The following LRRC4C variants were observed in gnomAD, a reference collection of about 807,000 sequenced individuals.
LRRC4C encodes leucine rich repeat containing 4C.
LRRC4C carries 5 observed loss-of-function variants against 33.6 expected under a neutral mutation model. The ratio of observed to expected loss-of-function variants is 0.15; its 90% CI spans 0.08 to 0.31. The LOEUF is 0.31. Ranked by LOEUF, LRRC4C falls within the 10% of genes least tolerant of loss-of-function variation. The pLI, the probability that LRRC4C is intolerant of heterozygous loss-of-function variation, is 1.00. For missense variants in LRRC4C, 560 were observed against 796.7 expected (o/e 0.70, Z 3.58); for synonymous variants, 329 against 302.0 (o/e 1.09, Z -0.93).
intron 1 of LRRC4C, among the ~76,000 whole-genome samples, chr11:41,308,009 T>G (rs2137154862): frequency 6.6e-6 from 1 of 152,284 alleles, no homozygotes; most frequent in South Asian, 2.1e-4. Context: ...TTAGGACCTG[T>G]AGGTGACCAG....
At chr11:40,708,308 G>A (rs1946275729) in intron 2 of LRRC4C, among the ~76,000 whole-genome samples, 2 of 152,052 alleles carry the variant, frequency 1.3e-5, no homozygotes, top group South Asian at 2.1e-4. Flanking sequence ...TGATGTTAGG[G>A]CATCAATTTT....
intron 2 of LRRC4C, among the ~76,000 whole-genome samples, chr11:40,790,350 TATG>T (rs1326678176): frequency 2.0e-5 from 3 of 152,234 alleles, no homozygotes; most frequent in Non-Finnish European, 4.4e-5. Context: ...TGATGATTTA[TATG>T]ATAACTACAT....
intron 3 of LRRC4C, among the ~76,000 whole-genome samples, chr11:40,502,454 G>A (rs1384366881): frequency 6.6e-6 from 1 of 152,180 alleles, no homozygotes; most frequent in Admixed American, 6.5e-5. Context: ...GACTTGGGAA[G>A]CCTCACAATC....
At chr11:41,136,098 C>A (rs950857812) in intron 1 of LRRC4C, among the ~76,000 whole-genome samples, 1 of 152,076 alleles carries the variant, frequency 6.6e-6, no homozygotes, top group African/African-American at 2.4e-5. Context: ...ATATGTCAGG[C>A]AGTGGTCTAG....
At position 40,265,745 on chromosome 11, in the gene LRRC4C, G is replaced by A. The variant is rs76837827; in HGVS notation, c.-175-24147C>T. 2.7e-3 allele frequency among the ~76,000 whole-genome samples: 410 copies of A among 152,286 alleles called. 1 individual carries two copies. Among genetic ancestry groups the A allele is most frequent in the African/African-American group, 9.5e-3 (394 of 41,570 alleles). On this transcript the variant is annotated intron_variant, in intron 4 of 6. Coordinates refer to ENST00000528697, the MANE Select transcript of LRRC4C (RefSeq NM_001258419.2). ...GCTCAGGCAGACAAGTATGTGGTCC[G>A]TATTTGATGGAGGGATTATATGCAT...
chr11:40,986,602 G>C (rs1853026208), intron 1 of LRRC4C, among the ~76,000 whole-genome samples: 1 of 151,960 alleles, frequency 6.6e-6, no homozygotes, highest in African/African-American at 2.4e-5. Context: ...AAAAGACAGA[G>C]AGAGAGAGGG....
intron 3 of LRRC4C, among the ~76,000 whole-genome samples, chr11:40,399,738 T>C (rs750682233): frequency 7.2e-5 from 11 of 151,916 alleles, no homozygotes; most frequent in Admixed American, 2.0e-4. Flanking sequence ...AAAGTTACAA[T>C]GGTAACATCA....
chr11:41,108,423 A>G (rs7930607), intron 1 of LRRC4C, among the ~76,000 whole-genome samples: 15,768 of 152,146 alleles, frequency 0.1, 835 homozygotes, highest in African/African-American at 0.14. Context: ...TTATAATTCA[A>G]ATTCTGTCTT....
chr11:40,295,828 G>T (rs1944484600), intron 4 of LRRC4C, among the ~76,000 whole-genome samples: 1 of 152,136 alleles, frequency 6.6e-6, no homozygotes, highest in Non-Finnish European at 1.5e-5. Context: ...ATGCTGTATT[G>T]ATTGATTCAA....
chr11:40,252,394 G>A (rs1466292772), intron 4 of LRRC4C, among the ~76,000 whole-genome samples: 3 of 151,024 alleles, frequency 2.0e-5, no homozygotes, highest in African/African-American at 2.4e-5. Context: ...CAACACACAC[G>A]CAGAGTACCC....
chr11:40,588,695 TC>T (rs2135714631), intron 3 of LRRC4C, among the ~76,000 whole-genome samples: 1 of 152,300 alleles, frequency 6.6e-6, no homozygotes, highest in East Asian at 1.9e-4. Context: ...CTCGTTGGTT[TC>T]AAAGAACATC....
chr11:40,650,366 A>G (rs182148693), intron 2 of LRRC4C, among the ~76,000 whole-genome samples: 5 of 152,294 alleles, frequency 3.3e-5, no homozygotes, highest in African/African-American at 1.2e-4. Flanking sequence ...CATCTGAAAA[A>G]GGGCCAGTCA....
chr11:41,357,321 T>C (rs190788408), intron 1 of LRRC4C, among the ~76,000 whole-genome samples: 2 of 152,296 alleles, frequency 1.3e-5, no homozygotes, highest in East Asian at 3.9e-4. Context: ...TACTGTTATA[T>C]TTTAGGTAGT....
intron 2 of LRRC4C, among the ~76,000 whole-genome samples, chr11:40,922,218 C>T (rs961634914): frequency 6.6e-6 from 1 of 152,042 alleles, no homozygotes; most frequent in African/African-American, 2.4e-5. Flanking sequence ...CCACTCCGTA[C>T]AAGTTTTTAG....
At chr11:41,154,372 T>C (rs1161193743) in intron 1 of LRRC4C, among the ~76,000 whole-genome samples, 1 of 152,160 alleles carries the variant, frequency 6.6e-6, no homozygotes, top group East Asian at 1.9e-4. Flanking sequence ...TTCTTCATAA[T>C]TTCATTATGG....
At chr11:40,488,281 T>A (rs550769144) in intron 3 of LRRC4C, among the ~76,000 whole-genome samples, 1 of 150,642 alleles carries the variant, frequency 6.6e-6, no homozygotes, top group Non-Finnish European at 1.5e-5. Context: ...GGTGTTTTTT[T>A]CCCCCCCCCA....
At chr11:40,200,180 T>TAAAAAAAAAAAAAAAAAAAAAAAAA (rs56269292) in intron 5 of LRRC4C, among the ~76,000 whole-genome samples, 2 of 26,046 alleles carry the variant, frequency 7.7e-5, no homozygotes, top group Non-Finnish European at 1.4e-4. Flanking sequence ...CTGTCTCCAC[T>TAAAAAAAAAAAAAAAAAAAAAAAAA]AAAAAAAAAA....
chr11:41,167,643 A>G (rs1944788320), intron 1 of LRRC4C, among the ~76,000 whole-genome samples: 1 of 152,126 alleles, frequency 6.6e-6, no homozygotes. Flanking sequence ...TAATAAAACT[A>G]ATGTGATTAT....
intron 2 of LRRC4C, among the ~76,000 whole-genome samples, chr11:40,683,291 C>T (rs555918985): frequency 6.6e-6 from 1 of 152,084 alleles, no homozygotes; most frequent in South Asian, 2.1e-4. Flanking sequence ...ACCACTCATA[C>T]CCACATGACA....
Sources: gnomAD v4.1 joint callset for allele counts (sites outside exome capture counted in the v4.1 genomes callset) on GRCh38, gnomAD v4.1.1 for gene constraint, MANE v1.5 for transcripts, NCBI Gene and HGNC (gene_info 2026-07-23, HGNC 2026-07-21) for gene names.